MAGI1: variants seen among roughly 807,000 people sequenced by gnomAD.
MAGI1 encodes membrane-associated guanylate kinase, WW and PDZ domain-containing protein 1.
A neutral mutation model predicts 139.9 loss-of-function variants in MAGI1; 58 were observed. That is an observed-to-expected ratio of 0.41 (90% CI 0.34 to 0.52). The LOEUF is 0.52. Ranked by LOEUF, MAGI1 falls within the 20% of genes least tolerant of loss-of-function variation. MAGI1 has a pLI of 0.12. For missense variants in MAGI1, 1,874 were observed against 1,901.6 expected (o/e 0.99, Z 0.27); for synonymous variants, 812 against 737.9 (o/e 1.10, Z -1.63).
At chr3:65,482,888 G>C (rs1415738335) in intron 3 of MAGI1, among the ~76,000 whole-genome samples, 1 of 152,212 alleles carries the variant, frequency 6.6e-6, no homozygotes, top group East Asian at 1.9e-4. Flanking sequence ...ATGTTGAAAA[G>C]CAAGTATGTG....
At chr3:65,839,258 T>TA (rs1413512446) in intron 1 of MAGI1, among the ~76,000 whole-genome samples, 6 of 152,072 alleles carry the variant, frequency 3.9e-5, no homozygotes, top group East Asian at 3.8e-4. Context: ...GATACTGATG[T>TA]AAAAAAAACC....
chr3:65,466,960 C>G (rs1266262368), intron 5 of MAGI1, among the ~76,000 whole-genome samples: 1 of 152,186 alleles, frequency 6.6e-6, no homozygotes, highest in East Asian at 1.9e-4. Flanking sequence ...TTGTAGGATG[C>G]CCCTTTCCTG....
chr3:65,692,457 C>G (rs1305672854), intron 1 of MAGI1, among the ~76,000 whole-genome samples: 1 of 152,138 alleles, frequency 6.6e-6, no homozygotes, highest in Non-Finnish European at 1.5e-5. Context: ...AGCCCTGAGT[C>G]CCTCACAAAA....
At chr3:65,373,500 C>T (rs982837612) in intron 18 of MAGI1, among the ~76,000 whole-genome samples, 2 of 152,070 alleles carry the variant, frequency 1.3e-5, no homozygotes, top group African/African-American at 4.8e-5. Context: ...AAGTGAGCAC[C>T]CGCTGTTGGA....
At chr3:65,500,278 T>A (rs899053467) in intron 2 of MAGI1, among the ~76,000 whole-genome samples, 4 of 152,158 alleles carry the variant, frequency 2.6e-5, no homozygotes, top group Admixed American at 6.5e-5. Context: ...CCTCCAAGAT[T>A]TGTACTAGAA....
chr3:65,776,253 T>C (rs561434980), intron 1 of MAGI1, among the ~76,000 whole-genome samples: 7 of 151,286 alleles, frequency 4.6e-5, no homozygotes, highest in Admixed American at 3.9e-4. Flanking sequence ...GTTTCTTTTT[T>C]TTTTTTTTTA....
intron 2 of MAGI1, among the ~76,000 whole-genome samples, chr3:65,616,876 T>C (rs1274868587): frequency 6.6e-6 from 1 of 152,222 alleles, no homozygotes; most frequent in Admixed American, 6.5e-5. Flanking sequence ...GTCTAGTTCA[T>C]GTTATCAGCT....
chr3:65,756,262 GA>G (rs1196182276), intron 1 of MAGI1, among the ~76,000 whole-genome samples: 33 of 152,178 alleles, frequency 2.2e-4, no homozygotes, highest in Admixed American at 1.8e-3. Context: ...GGCCAGTGGG[GA>G]AAAAAATTGT....
chr3:65,718,518 A>T (rs1196601414), intron 1 of MAGI1: 2 of 152,160 alleles, frequency 1.3e-5, no homozygotes, highest in East Asian at 3.9e-4. Context: ...ATTCTCTGCA[A>T]ATCACAGGCG....
chr3:65,750,889 G>C (rs905659550), intron 1 of MAGI1, among the ~76,000 whole-genome samples: 3 of 152,180 alleles, frequency 2.0e-5, no homozygotes, highest in Non-Finnish European at 4.4e-5. Context: ...GGAAAAGAAA[G>C]AATATTACAG....
intron 1 of MAGI1, among the ~76,000 whole-genome samples, chr3:65,744,315 G>A (rs906722110): frequency 3.3e-5 from 5 of 152,164 alleles, no homozygotes; most frequent in African/African-American, 1.2e-4. Context: ...GAACTGGTTT[G>A]CATAGGTTAG....
Position 65,476,856 on chromosome 3 carries a change from G to C in MAGI1, c.757+1736C>G, listed in dbSNP as rs138090212. ...TAAGGGCCACTATAAACAGATGAAA[G>C]ATTCCTAAATGAATGAAAACAGCTG... is the stretch of plus-strand genomic sequence containing the variant. On this transcript the variant is annotated intron_variant, in intron 4 of 22. Coordinates refer to ENST00000402939, the MANE Select transcript of MAGI1 (RefSeq NM_001033057.2). Among the ~76,000 whole-genome samples the C allele has an allele frequency of 3.0e-3, 451 of 152,282 alleles. 1 individual carries two copies. Among genetic ancestry groups the C allele is most frequent in the African/African-American group, 0.01 (433 of 41,546 alleles).
At chr3:65,445,211 A>G (rs1302291698) in intron 7 of MAGI1, among the ~76,000 whole-genome samples, 3 of 152,186 alleles carry the variant, frequency 2.0e-5, no homozygotes, top group Admixed American at 2.0e-4. Flanking sequence ...ATTTATCTCT[A>G]CTACTCTGTG....
intron 2 of MAGI1, among the ~76,000 whole-genome samples, chr3:65,541,121 C>T (rs1364301731): frequency 6.6e-6 from 1 of 151,996 alleles, no homozygotes; most frequent in Non-Finnish European, 1.5e-5. Context: ...TATAAACTAC[C>T]ATCAGAGAAC....
At chr3:65,785,351 C>G (rs912846120) in intron 1 of MAGI1, among the ~76,000 whole-genome samples, 1 of 152,024 alleles carries the variant, frequency 6.6e-6, no homozygotes, top group African/African-American at 2.4e-5. Flanking sequence ...TTTTCTTGGA[C>G]GGAATGAGGT....
chr3:65,762,658 A>T (rs2037130353), intron 1 of MAGI1, among the ~76,000 whole-genome samples: 1 of 152,176 alleles, frequency 6.6e-6, no homozygotes, highest in African/African-American at 2.4e-5. Flanking sequence ...TAGTTATATA[A>T]CATGGGTGTG....
chr3:65,382,875 T>TAAA (rs1227824349), intron 15 of MAGI1, among the ~76,000 whole-genome samples: 38 of 152,308 alleles, frequency 2.5e-4, no homozygotes, highest in African/African-American at 9.1e-4. Context: ...TAAGAGCCTT[T>TAAA]AGCACAGAAC....
intron 2 of MAGI1, among the ~76,000 whole-genome samples, chr3:65,521,200 C>T (rs989101594): frequency 6.6e-6 from 1 of 151,904 alleles, no homozygotes; most frequent in Non-Finnish European, 1.5e-5. Context: ...CTACTCACAT[C>T]CCACTTCCAC....
intron 1 of MAGI1, among the ~76,000 whole-genome samples, chr3:65,735,361 G>GTGTGTGTGTATGTGTGTGTGTT (rs1553699357): frequency 3.4e-5 from 4 of 117,794 alleles, no homozygotes; most frequent in African/African-American, 1.2e-4. Context: ...CTGCACGTGT[G>GTGTGTGTGTATGTGTGTGTGTT]TGTGTGTGTG....
Sources: allele counts gnomAD v4.1 joint callset (sites outside exome capture counted in the v4.1 genomes callset), GRCh38; gene constraint gnomAD v4.1.1; transcripts MANE v1.5; gene names NCBI Gene and HGNC (gene_info 2026-07-23, HGNC 2026-07-21).